Variants in CD96 observed in about 807,000 individuals in gnomAD.
CD96 encodes the protein CD96 molecule.
Under a neutral mutation model 71.3 loss-of-function variants are expected in CD96, and 70 were observed. The ratio of observed to expected loss-of-function variants is 0.98; its 90% CI spans 0.81 to 1.20. CD96 has a LOEUF of 1.20. CD96 is among the 50% of genes most tolerant of loss of function. The probability of loss-of-function intolerance (pLI) is 0.00; values close to 1 mark genes in which losing one functional copy is unlikely to be tolerated. For synonymous variants in CD96, 248 were observed against 233.0 expected (o/e 1.06, Z -0.59); for missense variants, 742 against 677.5 (o/e 1.10, Z -1.06).
intron 1 of CD96, among the ~76,000 whole-genome samples, chr3:111,544,422 C>T (rs563703251): frequency 9.2e-5 from 14 of 152,202 alleles, no homozygotes; most frequent in East Asian, 3.9e-4. Context: ...GGATTACAGG[C>T]GTGAGCCACT....
Position 111,556,775 on chromosome 3 carries a change from A to G in CD96, c.419-10748A>G, listed in dbSNP as rs1046626475. 9.9e-5 allele frequency among the ~76,000 whole-genome samples: 15 copies of G among 152,046 alleles called. No homozygotes were observed. The East Asian group carries it at 1.2e-3, about 12-fold the overall frequency. On this transcript the variant is annotated intron_variant, in intron 2 of 13. Transcript: ENST00000352690. The stretch of plus-strand genomic sequence containing the variant: ...TCTAGTTCTAGATCCCTGAGGAATC[A>G]CCACACTGACTTCCATAATGGTGGA...
intron 10 of CD96, among the ~76,000 whole-genome samples, chr3:111,629,480 A>G (rs938367906): frequency 5.3e-5 from 8 of 152,242 alleles, no homozygotes; most frequent in Non-Finnish European, 1.2e-4. Flanking sequence ...TCCTAAACAT[A>G]TATGCACACA....
chr3:111,661,337 A>G (rs1339927137), intron 14 of CD96, among the ~76,000 whole-genome samples: 1 of 152,172 alleles, frequency 6.6e-6, no homozygotes, highest in Non-Finnish European at 1.5e-5. Flanking sequence ...AAACCATATC[A>G]TTCCACTCGG....
At chr3:111,641,408 G>A (rs1247573609) in intron 12 of CD96, among the ~76,000 whole-genome samples, 3 of 152,276 alleles carry the variant, frequency 2.0e-5, no homozygotes, top group South Asian at 4.1e-4. Flanking sequence ...AAAGAGGACA[G>A]TATATAATGG....
In CD96 at chr3:111,647,663, A is replaced by T. The variant is rs1030175559; in HGVS notation, c.1598A>T (p.Glu533Val). 1 of 1,603,818 alleles carries T rather than the reference A, an allele frequency of 6.2e-7. No individual in the cohort carries two copies. The highest frequency in any genetic ancestry group is 8.5e-7 in the Non-Finnish European group (1 of 1,170,796). ...GVRKWCQYQK[E>V]IMERPPPFKP... Reference sequence around the variant, plus strand: ...AGAAAATGGTGTCAGTACCAAAAAGAAATGTGAGTATAATACTAACATATG... The same window carrying T: ...AGAAAATGGTGTCAGTACCAAAAAGTAATGTGAGTATAATACTAACATATG... The change falls in exon 13 of 14, where the codon GAA (glutamate) becomes GTA (valine). Residue 533 changes from glutamate (E) to valine (V), a missense_variant. Transcript: ENST00000352690.
chr3:111,598,219 A>T lies in CD96; in HGVS notation c.898+9A>T. 1 of 1,105,522 alleles carries T rather than the reference A, an allele frequency of 9.0e-7. No homozygotes were observed. Among genetic ancestry groups the T allele is most frequent in the Non-Finnish European group, 1.4e-6 (1 of 716,352 alleles). 68.5% of individuals were successfully genotyped at this position (1,105,522 alleles called of 1,614,324 possible). ...TCATGATGAAAAAGAAGGTAAGGAA[A>T]CTAATCAATGGAAATAAGTTCGGTA... is the stretch of plus-strand genomic sequence containing the variant. On this transcript the variant is annotated intron_variant, in intron 6 of 13. Coordinates refer to ENST00000352690, the MANE Select transcript of CD96 (RefSeq NM_005816.5).
chr3:111,552,007 G>T (rs931288490), intron 2 of CD96, among the ~76,000 whole-genome samples: 1 of 152,092 alleles, frequency 6.6e-6, no homozygotes, highest in South Asian at 2.1e-4. Context: ...GGTGCAAGAT[G>T]ATATCTCCTT....
chr3:111,643,629 G>A (rs1001317848), intron 12 of CD96, among the ~76,000 whole-genome samples: 31 of 150,828 alleles, frequency 2.1e-4, no homozygotes, highest in Non-Finnish European at 2.5e-4. Context: ...ATTCAGCAAA[G>A]TTTCCGAATA....
intron 13 of CD96, among the ~76,000 whole-genome samples, 197 bp downstream of exon 13, chr3:111,647,863 C>A (rs1431682350): frequency 6.6e-6 from 1 of 152,158 alleles, no homozygotes; most frequent in Non-Finnish European, 1.5e-5. Context: ...GACTCAGTAT[C>A]CCTCTCTGCA....
intron 10 of CD96, among the ~76,000 whole-genome samples, chr3:111,636,759 C>T (rs1352742182): frequency 1.3e-5 from 2 of 152,222 alleles, no homozygotes; most frequent in East Asian, 3.8e-4. Context: ...AGCTGACCCA[C>T]AAGTACAAAG....
At chr3:111,547,715 G>A (rs77676143) in intron 2 of CD96, among the ~76,000 whole-genome samples, 3,396 of 152,186 alleles carry the variant, frequency 0.022, 135 homozygotes, top group African/African-American at 0.077. Flanking sequence ...TACTTTTTGC[G>A]GTTGGAAAAT....
At chr3:111,600,988 A>C (rs574242636) in intron 7 of CD96, 74 bp downstream of exon 7, 307 of 931,476 alleles carry the variant, frequency 3.3e-4, no homozygotes, top group Non-Finnish European at 5.1e-4. Context: ...TTTAATGGGA[A>C]GATTATCACT....
chr3:111,655,119 G>A (rs1343502769), downstream of CD96, among the ~76,000 whole-genome samples: 2 of 152,120 alleles, frequency 1.3e-5, no homozygotes, highest in Non-Finnish European at 2.9e-5. Context: ...ACAGATAATT[G>A]GGTTGCATTG....
chr3:111,547,465 C>T lies in CD96; in HGVS notation c.418+2063C>T, dbSNP rs144704057. 6.4e-3 allele frequency among the ~76,000 whole-genome samples: 968 copies of T among 152,226 alleles called. 13 individuals carry two copies. The highest frequency in any genetic ancestry group is 0.021 in the African/African-American group (871 of 41,532). ...ACCAGTAAACAATACTATTGCCTCA[C>T]GGAGGACTCAGTGTTTCCTTCATTG... On this transcript the variant is annotated intron_variant, in intron 2 of 13. Coordinates refer to ENST00000352690, the MANE Select transcript of CD96 (RefSeq NM_005816.5).
chr3:111,548,823 T>C (rs1334118213), intron 2 of CD96, among the ~76,000 whole-genome samples: 1 of 152,150 alleles, frequency 6.6e-6, no homozygotes, highest in East Asian at 1.9e-4. Context: ...TCCTGTCTAG[T>C]TTGTATTGAG....
Position 111,561,563 on chromosome 3 carries a change from G to A in CD96, c.419-5960G>A, listed in dbSNP as rs1436598371. Among the ~76,000 whole-genome samples, 30 of 144,358 alleles carry A rather than the reference G, an allele frequency of 2.1e-4. 2 individuals carry two copies. Among genetic ancestry groups the A allele is most frequent in the African/African-American group, 4.9e-4 (19 of 39,058 alleles). The allele number at this position is 144,358 out of a possible 152,430, so 94.7% of individuals were successfully genotyped here. A position where few individuals can be genotyped will look rare whatever the true frequency, so the allele number is the denominator to read the frequency against. On this transcript the variant is annotated intron_variant, in intron 2 of 13. Transcript: ENST00000352690. ...GACCCACTTGAGGAGGCAGTCTGCC[G>A]GTTCTCAGATCTCCAGCTGCGTGCT...
At chr3:111,620,847 A>G (rs1262816710) in intron 8 of CD96, among the ~76,000 whole-genome samples, 1 of 152,236 alleles carries the variant, frequency 6.6e-6, no homozygotes, top group Non-Finnish European at 1.5e-5. Context: ...CTCCCCCAAC[A>G]AGGTCCCTAA....
chr3:111,603,463 C>T (rs991070265), intron 7 of CD96, among the ~76,000 whole-genome samples: 1 of 151,940 alleles, frequency 6.6e-6, no homozygotes, highest in Non-Finnish European at 1.5e-5. Flanking sequence ...AAAAAAATCC[C>T]GCCCTGCTAG....
intron 8 of CD96, among the ~76,000 whole-genome samples, chr3:111,608,708 T>C (rs1249740718): frequency 6.6e-6 from 1 of 152,218 alleles, no homozygotes; most frequent in Non-Finnish European, 1.5e-5. Context: ...ACCGTATTTG[T>C]TTTTCCTCCT....
Sources: gnomAD v4.1 joint callset for allele counts (sites outside exome capture counted in the v4.1 genomes callset) on GRCh38, gnomAD v4.1.1 for gene constraint, MANE v1.5 for transcripts, NCBI Gene and HGNC (gene_info 2026-07-23, HGNC 2026-07-21) for gene names.